PBX1: variants seen among roughly 807,000 people sequenced by gnomAD.
PBX1 encodes pre-B-cell leukemia transcription factor 1.
Under a neutral mutation model 53.4 loss-of-function variants are expected in PBX1, and 6 were observed. That is an observed-to-expected ratio of 0.11 (90% CI 0.06 to 0.22). The LOEUF is 0.22. PBX1 is among the 10% of genes least tolerant of loss of function. PBX1 has a pLI of 1.00. For missense variants in PBX1, 251 were observed against 551.4 expected, an observed-to-expected ratio of 0.46 and a Z score of 5.46; for synonymous variants, 204 against 212.3, an observed-to-expected ratio of 0.96 and a Z score of 0.34.
At chr1:164,602,820 C>G (rs1656270793) in intron 2 of PBX1, among the ~76,000 whole-genome samples, 1 of 152,062 alleles carries the variant, frequency 6.6e-6, no homozygotes, top group African/African-American at 2.4e-5. Context: ...TCTTTCTGCC[C>G]TCAAAGGTAC....
At position 164,707,457 on chromosome 1, in the gene PBX1, A is replaced by G. The variant is rs74117992; in HGVS notation, c.266-85037A>G. ...AGAGAGAGAGAGAGAGAGAGAGAGA[A>G]AGTGCTGAATCCCCTGTAATCCTGT... On this transcript the variant is annotated intron_variant, in intron 2 of 8. Coordinates refer to ENST00000420696, the MANE Select transcript of PBX1 (RefSeq NM_002585.4). Among the ~76,000 whole-genome samples the G allele has an allele frequency of 9.2e-3, 920 of 99,984 alleles. 7 individuals carry two copies. Among genetic ancestry groups the G allele is most frequent in the African/African-American group, 0.04 (859 of 21,632 alleles). The allele number at this position is 99,984 out of a possible 152,430, so 65.6% of individuals were successfully genotyped here. A position where few individuals can be genotyped will look rare whatever the true frequency, so the allele number is the denominator to read the frequency against.
At chr1:164,623,527 C>T (rs963306826) in intron 2 of PBX1, among the ~76,000 whole-genome samples, 3 of 152,228 alleles carry the variant, frequency 2.0e-5, no homozygotes, top group African/African-American at 7.2e-5. Context: ...TTAGGTTTCA[C>T]CTTTTTACGC....
chr1:164,590,834 C>T (rs559906422), intron 2 of PBX1, among the ~76,000 whole-genome samples: 82 of 152,046 alleles, frequency 5.4e-4, no homozygotes, highest in African/African-American at 1.8e-3. Context: ...CCCTTCCAGA[C>T]ATTTATTGAG....
intron 8 of PBX1, among the ~76,000 whole-genome samples, chr1:164,839,057 A>G (rs1360861467): frequency 6.6e-6 from 1 of 152,076 alleles, no homozygotes; most frequent in Non-Finnish European, 1.5e-5. Context: ...CCCCTGTTCC[A>G]TTCTTTCTGG....
At chr1:164,629,426 G>C (rs1658265334) in intron 2 of PBX1, among the ~76,000 whole-genome samples, 2 of 152,100 alleles carry the variant, frequency 1.3e-5, no homozygotes, top group Admixed American at 6.5e-5. Context: ...CTCTCTGTGT[G>C]TCTTTAAGAC....
chr1:164,767,350 C>A (rs1442895596), intron 2 of PBX1, among the ~76,000 whole-genome samples: 2 of 152,156 alleles, frequency 1.3e-5, no homozygotes, highest in African/African-American at 2.4e-5. Context: ...GGGTTCCACA[C>A]AGGTCTCATG....
chr1:164,625,916 G>T, intron 2 of PBX1: 2 of 1,027,516 alleles, frequency 1.9e-6, no homozygotes, highest in Non-Finnish European at 1.2e-6. Context: ...CTTTGTTTCT[G>T]GATTTGTGAC....
chr1:164,754,702 T>TGA (rs367620938), intron 2 of PBX1, among the ~76,000 whole-genome samples: 7 of 151,992 alleles, frequency 4.6e-5, no homozygotes, highest in South Asian at 2.1e-4. Flanking sequence ...TGTGTGTGTG[T>TGA]GAGAGAGAGA....
At chr1:164,694,588 T>A (rs1259051741) in intron 2 of PBX1, among the ~76,000 whole-genome samples, 1 of 152,204 alleles carries the variant, frequency 6.6e-6, no homozygotes, top group Non-Finnish European at 1.5e-5. Context: ...TTCAGCAGAT[T>A]TATAAATCCA....
intron 2 of PBX1, among the ~76,000 whole-genome samples, chr1:164,779,982 C>T (rs925320906): frequency 3.9e-5 from 6 of 152,176 alleles, no homozygotes; most frequent in Admixed American, 6.5e-5. Context: ...AAAATTAAGA[C>T]GGCTCCTCAT....
intron 2 of PBX1, among the ~76,000 whole-genome samples, chr1:164,588,500 T>TTA (rs1553211952): frequency 1.2e-4 from 17 of 138,908 alleles, no homozygotes; most frequent in African/African-American, 4.8e-4. Flanking sequence ...TTTTTTTTTT[T>TTA]AGTTTCGAAG....
rs192163036 is a variant in PBX1, at chr1:164,719,520, C to A, written c.266-72974C>A. 9.4e-4 allele frequency among the ~76,000 whole-genome samples: 143 copies of A among 152,148 alleles called. 3 individuals carry two copies. Among genetic ancestry groups the A allele is most frequent in the Admixed American group, 7.4e-3 (113 of 15,278 alleles). On this transcript the variant is annotated intron_variant, in intron 2 of 8. Coordinates refer to ENST00000420696, the MANE Select transcript of PBX1 (RefSeq NM_002585.4). ...GTAGGTATATGGCATATTATAATTA[C>A]CTGGGGGCCTTTTTAATATTTGTGC...
At position 164,751,863 on chromosome 1, in the gene PBX1, T is replaced by C. The variant is rs1666245744; in HGVS notation, c.266-40631T>C. 2.0e-5 allele frequency among the ~76,000 whole-genome samples: 3 copies of C among 152,028 alleles called. No individual in the cohort carries two copies. The South Asian group carries it at 6.2e-4, about 31-fold the overall frequency. Reference sequence around the variant, plus strand: ...TCCCAAAGTGCTGGGATTATAGGCATGAGCCACCACGCCCGGCCAGTTTAT... The same window carrying C: ...TCCCAAAGTGCTGGGATTATAGGCACGAGCCACCACGCCCGGCCAGTTTAT... On this transcript the variant is annotated intron_variant, in intron 2 of 8. Coordinates refer to ENST00000420696, the MANE Select transcript of PBX1 (RefSeq NM_002585.4).
intron 2 of PBX1, among the ~76,000 whole-genome samples, chr1:164,576,034 G>A (rs1382508127): frequency 6.6e-6 from 1 of 152,206 alleles, no homozygotes; most frequent in Non-Finnish European, 1.5e-5. Context: ...AAACCCAAGA[G>A]ATGAGAGAGC....
At chr1:164,604,804 A>G (rs1024759543) in intron 2 of PBX1, among the ~76,000 whole-genome samples, 1 of 152,154 alleles carries the variant, frequency 6.6e-6, no homozygotes, top group African/African-American at 2.4e-5. Flanking sequence ...AGACATCTTC[A>G]TATCAGTGAC....
chr1:164,869,269 A>G (rs1303567261), intron 2 of PBX1, among the ~76,000 whole-genome samples: 1 of 152,178 alleles, frequency 6.6e-6, no homozygotes. Flanking sequence ...CCTGAAGACC[A>G]CAATTCTAAG....
chr1:164,674,509 C>T (rs1175192285), intron 2 of PBX1: 3 of 152,130 alleles, frequency 2.0e-5, no homozygotes, highest in Non-Finnish European at 2.9e-5. Flanking sequence ...CAGTTGACGG[C>T]TTTGGAGTGA....
chr1:164,824,109 G>A (rs1416460331), intron 8 of PBX1, among the ~76,000 whole-genome samples: 1 of 152,156 alleles, frequency 6.6e-6, no homozygotes, highest in Non-Finnish European at 1.5e-5. Flanking sequence ...ATTCCCAGCT[G>A]GGCTCTGGAT....
At chr1:164,659,561 G>C (rs899366890) in intron 2 of PBX1, among the ~76,000 whole-genome samples, 2 of 152,194 alleles carry the variant, frequency 1.3e-5, no homozygotes, top group Non-Finnish European at 2.9e-5. Flanking sequence ...TTGTACCGAG[G>C]AAGCAGCAGG....
Sources: gnomAD v4.1 joint callset for allele counts (sites outside exome capture counted in the v4.1 genomes callset) on GRCh38, gnomAD v4.1.1 for gene constraint, MANE v1.5 for transcripts, NCBI Gene and HGNC (gene_info 2026-07-23, HGNC 2026-07-21) for gene names.